The following CLASP2 variants were observed in gnomAD, a reference collection of about 807,000 sequenced individuals.
CLASP2 encodes cytoplasmic linker associated protein 2.
CLASP2 carries 47 observed loss-of-function variants against 194.4 expected under a neutral mutation model. The observed-to-expected ratio is 0.24, with a 90% CI of 0.19 to 0.31. CLASP2 has a LOEUF of 0.31. Among genes scored for constraint, CLASP2 ranks in the 10% least tolerant of loss-of-function variants. The pLI is 1.00. For missense variants in CLASP2, 1,445 were observed against 1,823.6 expected (o/e 0.79, Z 3.78); for synonymous variants, 619 against 633.5 (o/e 0.98, Z 0.34).
intron 2 of CLASP2, among the ~76,000 whole-genome samples, chr3:33,693,554 T>C (rs1327146277): frequency 6.6e-6 from 1 of 152,198 alleles, no homozygotes; most frequent in Admixed American, 6.5e-5. Flanking sequence ...ATAGGTATGC[T>C]GCCAATCTTG....
In CLASP2 at chr3:33,685,105, C is replaced by T. The variant is rs111866116; in HGVS notation, c.547-649G>A. ...CCTGTAATCGCAGCATGTTGGGAGA[C>T]CAAGGCTGGCGGTTCACCTGAGGTC... On this transcript the variant is annotated intron_variant, in intron 5 of 38. Coordinates refer to ENST00000682230, the MANE Select transcript of CLASP2 (RefSeq NM_001365631.1). Among the ~76,000 whole-genome samples the T allele has an allele frequency of 7.5e-3, 1,139 of 151,458 alleles. 11 individuals carry two copies. The highest frequency in any genetic ancestry group is 0.025 in the African/African-American group (1,044 of 41,360).
chr3:33,638,706 A>C (rs1181091026), intron 8 of CLASP2, among the ~76,000 whole-genome samples: 1 of 152,238 alleles, frequency 6.6e-6, no homozygotes, highest in Non-Finnish European at 1.5e-5. Flanking sequence ...CCTTTATAGA[A>C]ACAATGCTTC....
chr3:33,644,459 TG>T, intron 8 of CLASP2: 1 of 351,578 alleles, frequency 2.8e-6, no homozygotes, highest in South Asian at 2.9e-5. Context: ...ACCTGTTCTC[TG>T]CTTAAAAAAA....
At chr3:33,701,785 C>T (rs1352753229) in intron 1 of CLASP2, among the ~76,000 whole-genome samples, 1 of 152,124 alleles carries the variant, frequency 6.6e-6, no homozygotes, top group African/African-American at 2.4e-5. Context: ...TGAACCTCAA[C>T]CTATACATCA....
Position 33,501,722 on chromosome 3 carries a change from C to G in CLASP2, c.4364G>C (p.Cys1455Ser). 1 of 1,613,826 alleles carries G rather than the reference C, an allele frequency of 6.2e-7. No homozygotes were observed. Among genetic ancestry groups the G allele is most frequent in the African/African-American group, 1.3e-5 (1 of 75,036 alleles). Reference sequence around the variant, plus strand: ...AATTACCGCATGAACAGCCACCAGGCAGAAGACACAAGCTTTCCGAACACT... The same window carrying G: ...AATTACCGCATGAACAGCCACCAGGGAGAAGACACAAGCTTTCCGAACACT... Reference protein sequence around the residue: ...ESSVRKACVFCLVAVHAVIGD... With the variant: ...ESSVRKACVFSLVAVHAVIGD... The change falls in exon 38 of 39, where the codon TGC becomes TCC. Residue 1455 changes from cysteine to serine, a missense_variant. Transcript: ENST00000682230.
intron 22 of CLASP2, among the ~76,000 whole-genome samples, chr3:33,583,943 G>C (rs1221350140): frequency 6.6e-6 from 1 of 152,100 alleles, no homozygotes; most frequent in African/African-American, 2.4e-5. Context: ...GGCAGATTTT[G>C]GGTTCATCAT....
chr3:33,598,430 TC>T (rs2071094046), intron 18 of CLASP2, among the ~76,000 whole-genome samples: 2 of 152,122 alleles, frequency 1.3e-5, no homozygotes, highest in Admixed American at 1.3e-4. Context: ...CCCTTCTACA[TC>T]TGTGAAATGG....
intron 5 of CLASP2, among the ~76,000 whole-genome samples, chr3:33,685,026 T>C (rs2090436564): frequency 7.1e-6 from 1 of 140,588 alleles, no homozygotes; most frequent in Admixed American, 7.4e-5. Context: ...AATAAATAAA[T>C]AAATAATAAT....
intron 6 of CLASP2, among the ~76,000 whole-genome samples, chr3:33,671,132 C>T (rs533077511): frequency 6.6e-6 from 1 of 152,190 alleles, no homozygotes; most frequent in East Asian, 1.9e-4. Context: ...CTCTAGCTAG[C>T]CATTCTGTCC....
At chr3:33,555,279 A>G (rs2060721998) in intron 29 of CLASP2, among the ~76,000 whole-genome samples, 1 of 152,222 alleles carries the variant, frequency 6.6e-6, no homozygotes. Context: ...ATTAGCCATC[A>G]GAAATGTGCA....
chr3:33,533,263 C>T (rs897508962), intron 34 of CLASP2, among the ~76,000 whole-genome samples: 1 of 152,200 alleles, frequency 6.6e-6, no homozygotes, highest in Non-Finnish European at 1.5e-5. Flanking sequence ...CTCAGAAAGA[C>T]AGTCAACTAT....
chr3:33,632,204 AAAG>A (rs1199856393), intron 9 of CLASP2, 85 bp downstream of exon 9: 6 of 799,308 alleles, frequency 7.5e-6, no homozygotes, highest in African/African-American at 1.8e-5. Flanking sequence ...TATAAGGAAA[AAAG>A]AATTCTTAAA....
intron 23 of CLASP2, among the ~76,000 whole-genome samples, chr3:33,580,643 T>A (rs2065852472): frequency 6.6e-6 from 1 of 152,114 alleles, no homozygotes; most frequent in Admixed American, 6.6e-5. Context: ...ACTGGATAAG[T>A]AGAACTAGGT....
intron 36 of CLASP2, among the ~76,000 whole-genome samples, chr3:33,511,671 G>C (rs906641502): frequency 6.6e-6 from 1 of 152,010 alleles, no homozygotes; most frequent in Non-Finnish European, 1.5e-5. Flanking sequence ...CTTCTTACCA[G>C]AGTCTGTAAT....
intron 38 of CLASP2, among the ~76,000 whole-genome samples, chr3:33,499,984 T>G (rs1451467953): frequency 6.6e-6 from 1 of 152,140 alleles, no homozygotes; most frequent in Admixed American, 6.5e-5. Flanking sequence ...AGTCTTTGTA[T>G]GAGATCATGA....
chr3:33,513,673 T>C (rs942903895), intron 36 of CLASP2, among the ~76,000 whole-genome samples: 1 of 152,204 alleles, frequency 6.6e-6, no homozygotes, highest in Non-Finnish European at 1.5e-5. Flanking sequence ...CACCAACATA[T>C]TGTCTATATT....
intron 9 of CLASP2, among the ~76,000 whole-genome samples, chr3:33,629,122 T>C (rs1227055855): frequency 1.3e-5 from 2 of 152,060 alleles, no homozygotes; most frequent in African/African-American, 4.8e-5. Flanking sequence ...ATGAAGTGAG[T>C]AACAAGTTAA....
intron 6 of CLASP2, among the ~76,000 whole-genome samples, chr3:33,671,928 A>G (rs1339393453): frequency 6.6e-6 from 1 of 152,190 alleles, no homozygotes; most frequent in Non-Finnish European, 1.5e-5. Flanking sequence ...TTAGGTAAAC[A>G]AAGCAGCTGG....
intron 14 of CLASP2, among the ~76,000 whole-genome samples, chr3:33,607,991 T>C (rs2074266185): frequency 6.6e-6 from 1 of 152,208 alleles, no homozygotes; most frequent in South Asian, 2.1e-4. Context: ...ATCAGCAATA[T>C]ACTCAAGGTA....
Sources: gnomAD v4.1 joint callset for allele counts (sites outside exome capture counted in the v4.1 genomes callset) on GRCh38, gnomAD v4.1.1 for gene constraint, MANE v1.5 for transcripts, NCBI Gene and HGNC (gene_info 2026-07-23, HGNC 2026-07-21) for gene names.